SOX5: variants seen among roughly 807,000 people sequenced by gnomAD.
SOX5 encodes the protein SRY-box transcription factor 5.
SOX5 carries 9 observed loss-of-function variants against 92.0 expected under a neutral mutation model. The observed-to-expected ratio is 0.10, with a 90% CI of 0.06 to 0.17. The LOEUF (loss-of-function observed/expected upper bound fraction) is 0.17, where lower values mean the gene tolerates loss of function less well. Ranked by LOEUF, SOX5 falls within the 10% of genes least tolerant of loss-of-function variation. The pLI, the probability that SOX5 is intolerant of heterozygous loss-of-function variation, is 1.00. For synonymous variants in SOX5, 344 were observed against 336.3 expected, an observed-to-expected ratio of 1.02 and a Z score of -0.25; for missense variants, 642 against 944.5, an observed-to-expected ratio of 0.68 and a Z score of 4.20.
chr12:24,147,722 T>TGTAA (rs2138770030), intron 4 of SOX5, among the ~76,000 whole-genome samples: 1 of 152,288 alleles, frequency 6.6e-6, no homozygotes, highest in African/African-American at 2.4e-5. Context: ...GGCTGCAGAA[T>TGTAA]GTAAGATCAA....
At chr12:24,421,437 A>G (rs1367845489) in intron 1 of SOX5, among the ~76,000 whole-genome samples, 2 of 152,232 alleles carry the variant, frequency 1.3e-5, no homozygotes, top group Non-Finnish European at 2.9e-5. Context: ...GTCAATTATA[A>G]TAGACACTAA....
At chr12:24,118,187 C>A (rs1451563581) in intron 4 of SOX5, among the ~76,000 whole-genome samples, 1 of 152,010 alleles carries the variant, frequency 6.6e-6, no homozygotes, top group African/African-American at 2.4e-5. Context: ...TGATCTTTTG[C>A]ACTGCATGGT....
At chr12:23,887,915 A>ATGTGTGTGTGTGTG (rs1374110699) in intron 2 of SOX5, among the ~76,000 whole-genome samples, 2 of 79,666 alleles carry the variant, frequency 2.5e-5, no homozygotes, top group African/African-American at 1.0e-4. Flanking sequence ...TCCAGTGTGT[A>ATGTGTGTGTGTGTG]TATGTGTGTG....
intron 4 of SOX5, among the ~76,000 whole-genome samples, chr12:24,030,793 T>C (rs891779715): frequency 2.0e-5 from 3 of 152,002 alleles, no homozygotes; most frequent in African/African-American, 7.2e-5. Flanking sequence ...AAATCCTATA[T>C]CTGATAAGTG....
Position 23,848,718 on chromosome 12 carries a change from G to C in SOX5, c.271-2525C>G, listed in dbSNP as rs1475703530. Among the ~76,000 whole-genome samples the C allele has an allele frequency of 3.9e-5, 6 of 152,152 alleles. No individual in the cohort carries two copies. In the East Asian group the frequency reaches 1.2e-3, roughly 29 times the overall value. ...ACTTTGCTGGCAGGTGAAATCAAGAGAACCAGCTAACATAAGCATAAGTGG... is the reference window on the plus strand; with the variant it reads ...ACTTTGCTGGCAGGTGAAATCAAGACAACCAGCTAACATAAGCATAAGTGG... On this transcript the variant is annotated intron_variant, in intron 2 of 14. Coordinates refer to ENST00000451604, the MANE Select transcript of SOX5 (RefSeq NM_006940.6).
intron 1 of SOX5, among the ~76,000 whole-genome samples, chr12:23,934,240 T>C (rs1942040500): frequency 6.6e-6 from 1 of 151,278 alleles, no homozygotes; most frequent in African/African-American, 2.4e-5. Context: ...CATTAGAAAA[T>C]AATAAACATA....
chr12:23,680,498 A>T (rs2086439616), intron 6 of SOX5, among the ~76,000 whole-genome samples: 1 of 151,962 alleles, frequency 6.6e-6, no homozygotes, highest in South Asian at 2.1e-4. Flanking sequence ...AAGAGAGGTT[A>T]AGTGTCATAG....
chr12:24,223,085 G>T (rs541868757), intron 3 of SOX5, among the ~76,000 whole-genome samples: 4 of 152,312 alleles, frequency 2.6e-5, no homozygotes, highest in African/African-American at 9.6e-5. Flanking sequence ...GCCATGTCCA[G>T]ATATTATTTA....
At chr12:24,241,122 T>G (rs1364525472) in intron 3 of SOX5, among the ~76,000 whole-genome samples, 1 of 151,468 alleles carries the variant, frequency 6.6e-6, no homozygotes, top group African/African-American at 2.4e-5. Context: ...TCTCAAGAAT[T>G]TAAGGTTCAT....
At chr12:24,532,481 G>A (rs1435465368) in intron 1 of SOX5, among the ~76,000 whole-genome samples, 7 of 152,294 alleles carry the variant, frequency 4.6e-5, no homozygotes, top group Non-Finnish European at 8.8e-5. Context: ...CCTGAAGAAC[G>A]TGGACACAGA....
At chr12:23,681,798 T>C (rs1022652136) in intron 6 of SOX5, among the ~76,000 whole-genome samples, 1 of 151,804 alleles carries the variant, frequency 6.6e-6, no homozygotes, top group Non-Finnish European at 1.5e-5. Flanking sequence ...AAAATTATAA[T>C]TGTATATTTT....
chr12:23,871,473 A>C (rs544363604), intron 2 of SOX5, among the ~76,000 whole-genome samples: 2 of 152,306 alleles, frequency 1.3e-5, no homozygotes, highest in African/African-American at 4.8e-5. Flanking sequence ...TGAAGTGTAA[A>C]ATAGTGGGTA....
At chr12:23,597,018 C>T (rs1408647391) in intron 9 of SOX5, among the ~76,000 whole-genome samples, 3 of 152,164 alleles carry the variant, frequency 2.0e-5, no homozygotes, top group Non-Finnish European at 4.4e-5. Context: ...ATGGTGAAAT[C>T]TACTTTGGGT....
chr12:23,615,281 A>G (rs187733130), intron 8 of SOX5, among the ~76,000 whole-genome samples: 1 of 151,878 alleles, frequency 6.6e-6, no homozygotes, highest in East Asian at 1.9e-4. Flanking sequence ...TGCTTTTTTT[A>G]AAAAAAATTA....
chr12:24,210,251 G>A (rs1477423686), intron 4 of SOX5, among the ~76,000 whole-genome samples: 1 of 151,980 alleles, frequency 6.6e-6, no homozygotes, highest in Non-Finnish European at 1.5e-5. Context: ...ACAATGGCTT[G>A]ACAAATGTGA....
intron 2 of SOX5, among the ~76,000 whole-genome samples, chr12:24,355,947 AT>A (rs551634074): frequency 6.6e-6 from 1 of 152,166 alleles, no homozygotes; most frequent in African/African-American, 2.4e-5. Context: ...CACTTTGAGC[AT>A]TTTTTTAAAA....
intron 13 of SOX5, among the ~76,000 whole-genome samples, chr12:23,541,848 T>C (rs1271159380): frequency 6.6e-6 from 1 of 152,198 alleles, no homozygotes; most frequent in Non-Finnish European, 1.5e-5. Context: ...TGGTGGCTCA[T>C]GCCTGTAATC....
At chr12:23,593,169 C>T (rs896526361) in intron 9 of SOX5, among the ~76,000 whole-genome samples, 1 of 152,110 alleles carries the variant, frequency 6.6e-6, no homozygotes, top group Non-Finnish European at 1.5e-5. Flanking sequence ...TTCCTATATT[C>T]TCCAACTTTA....
intron 4 of SOX5, among the ~76,000 whole-genome samples, chr12:24,147,439 A>G (rs1327289742): frequency 6.6e-6 from 1 of 152,200 alleles, no homozygotes; most frequent in Non-Finnish European, 1.5e-5. Context: ...ACCACGATGA[A>G]GAACACCTAC....
Sources: allele counts gnomAD v4.1 joint callset (sites outside exome capture counted in the v4.1 genomes callset), GRCh38; gene constraint gnomAD v4.1.1; transcripts MANE v1.5; gene names NCBI Gene and HGNC (gene_info 2026-07-23, HGNC 2026-07-21).